Variants in SGPP1 observed in about 807,000 individuals in gnomAD.
SGPP1 encodes hSPP1.
SGPP1 carries 21 observed loss-of-function variants against 33.0 expected under a neutral mutation model. The observed-to-expected ratio is 0.64, with a 90% CI of 0.45 to 0.92. The LOEUF (loss-of-function observed/expected upper bound fraction) is 0.92. Ranked by LOEUF, SGPP1 falls within the 40% of genes least tolerant of loss-of-function variation. The probability of loss-of-function intolerance (pLI) is 0.00; values close to 1 mark genes in which losing one functional copy is unlikely to be tolerated. For missense variants in SGPP1, 543 were observed against 589.4 expected (o/e 0.92, Z 0.81); for synonymous variants, 239 against 241.2 (o/e 0.99, Z 0.08).
intron 1 of SGPP1, among the ~76,000 whole-genome samples, chr14:63,708,768 T>C (rs999567369): frequency 6.6e-6 from 1 of 152,146 alleles, no homozygotes; most frequent in Non-Finnish European, 1.5e-5. Context: ...AGAACAACCA[T>C]ATGGCGTAGC....
At chr14:63,706,722 C>T (rs2139643344) in intron 1 of SGPP1, among the ~76,000 whole-genome samples, 1 of 152,268 alleles carries the variant, frequency 6.6e-6, no homozygotes, top group East Asian at 1.9e-4. Flanking sequence ...GTTCTAAGAG[C>T]AACTGTGAAA....
At chr14:63,701,300 T>G (rs1187707681) in intron 1 of SGPP1, among the ~76,000 whole-genome samples, 1 of 152,130 alleles carries the variant, frequency 6.6e-6, no homozygotes, top group Non-Finnish European at 1.5e-5. Context: ...CAAGATTTTG[T>G]TATGTGTTAA....
chr14:63,718,496 A>G (rs975755463), intron 1 of SGPP1, among the ~76,000 whole-genome samples: 2 of 152,138 alleles, frequency 1.3e-5, no homozygotes, highest in Non-Finnish European at 2.9e-5. Context: ...GGGACATTCT[A>G]TATCATACAT....
intron 1 of SGPP1, among the ~76,000 whole-genome samples, chr14:63,714,122 A>G (rs1885574150): frequency 6.6e-6 from 1 of 152,244 alleles, no homozygotes; most frequent in Non-Finnish European, 1.5e-5. Context: ...TGAGGCTTTC[A>G]GCCTTGGACT....
At chr14:63,688,221 CAGG>C (rs1476036374) in intron 2 of SGPP1, among the ~76,000 whole-genome samples, 9 of 146,104 alleles carry the variant, frequency 6.2e-5, no homozygotes, top group Admixed American at 1.5e-4. Context: ...GAGGCTGAGG[CAGG>C]AGAACTGCCT....
At chr14:63,712,197 T>A (rs181929056) in intron 1 of SGPP1, among the ~76,000 whole-genome samples, 1 of 152,352 alleles carries the variant, frequency 6.6e-6, no homozygotes, top group Admixed American at 6.5e-5. Context: ...TTTCTTTTTT[T>A]AATTTATTTT....
intron 1 of SGPP1, among the ~76,000 whole-genome samples, chr14:63,714,562 A>C (rs944592872): frequency 2.0e-5 from 3 of 152,096 alleles, no homozygotes; most frequent in African/African-American, 7.2e-5. Flanking sequence ...CTGGGACTAC[A>C]AGTACATACC....
chr14:63,688,315 C>CAAAAAAAAAAAAAAA (rs71120275), intron 2 of SGPP1, among the ~76,000 whole-genome samples: 11 of 31,430 alleles, frequency 3.5e-4, no homozygotes, highest in African/African-American at 1.1e-3. Flanking sequence ...GACTCTGTCT[C>CAAAAAAAAAAAAAAA]AAAAAAAAAA....
chr14:63,709,579 T>G (rs1002833174), intron 1 of SGPP1, among the ~76,000 whole-genome samples: 1 of 152,144 alleles, frequency 6.6e-6, no homozygotes, highest in African/African-American at 2.4e-5. Flanking sequence ...CTGGCTTCTG[T>G]TTTCATTTTC....
rs1885764890 is a variant in SGPP1, at chr14:63,721,230, A to C, written c.684+6031T>G. Reference sequence around the variant, plus strand: ...GACAGGCATGGTGGTGGGTGAGCCAAGATCGTGCCACTGCACTCCAGGCTG... The same window carrying C: ...GACAGGCATGGTGGTGGGTGAGCCACGATCGTGCCACTGCACTCCAGGCTG... On this transcript the variant is annotated intron_variant, in intron 1 of 2. Transcript: ENST00000247225. Among the ~76,000 whole-genome samples the C allele has an allele frequency of 2.0e-5, 3 of 152,280 alleles. No individual in the cohort carries two copies. The East Asian group carries it at 5.8e-4, about 29-fold the overall frequency.
In SGPP1 at chr14:63,719,133, T is replaced by G. The variant is rs1885716989; in HGVS notation, c.684+8128A>C. Among the ~76,000 whole-genome samples the G allele has an allele frequency of 1.1e-4, 16 of 145,284 alleles. No homozygotes were observed. In the South Asian group the frequency reaches 3.6e-3, roughly 33 times the overall value. ...ACGTATGCCTCCCAGGTTCAAGCGA[T>G]TCTCCTGCCTCAGCTCCCGAGTAGC... On this transcript the variant is annotated intron_variant, in intron 1 of 2. Transcript: ENST00000247225.
At chr14:63,710,411 T>A (rs1007934958) in intron 1 of SGPP1, among the ~76,000 whole-genome samples, 1 of 152,240 alleles carries the variant, frequency 6.6e-6, no homozygotes. Context: ...TAGAGCTACA[T>A]AGACCTATCA....
rs1368257312 is a variant in SGPP1, at chr14:63,686,631, G to T, written c.800C>A (p.Thr267Asn). Residue 267 changes from threonine to asparagine, a missense_variant, in exon 3 of 3, where the codon ACC becomes AAC. By Grantham distance (65) the Thr-to-Asn change is moderately conservative (BLOSUM62 0). Transcript: ENST00000247225. ...ILDIIAGFLYTILILAVFYPF... is the reference protein window; with the variant it reads ...ILDIIAGFLYNILILAVFYPF... The stretch of plus-strand genomic sequence containing the variant: ...ATAGAAGACAGCTAAGATTAAAATG[G>T]TATATAGGAATCCAGCAATAATATC... 1 of 1,609,932 alleles carries T rather than the reference G, an allele frequency of 6.2e-7. No homozygotes were observed. The highest frequency in any genetic ancestry group is 1.7e-5 in the Admixed American group (1 of 59,908).
intron 1 of SGPP1, among the ~76,000 whole-genome samples, chr14:63,706,230 A>G (rs1885405155): frequency 6.6e-6 from 1 of 152,186 alleles, no homozygotes; most frequent in South Asian, 2.1e-4. Context: ...AAATAGGTAA[A>G]CCTATACAGC....
intron 2 of SGPP1, among the ~76,000 whole-genome samples, chr14:63,694,869 T>C (rs993233924): frequency 6.6e-6 from 1 of 152,138 alleles, no homozygotes; most frequent in Non-Finnish European, 1.5e-5. Context: ...CTAAATGGAA[T>C]ACTCCAGGTT....
rs944185768 is a variant in SGPP1 at position 63,685,525 on chromosome 14, G to A, written c.*580C>T. The A allele has an allele frequency of 1.3e-5, 2 of 152,242 alleles. No homozygotes were observed. Among genetic ancestry groups the A allele is most frequent in the Admixed American group, 1.3e-4 (2 of 15,250 alleles). 9.4% of individuals were successfully genotyped at this position (152,242 alleles called of 1,614,324 possible). A position where few individuals can be genotyped will look rare whatever the true frequency, so the allele number is the denominator to read the frequency against. Reference sequence around the variant, plus strand: ...AAATGCCTCCCATGTTCAACATCATGGATAACATGAAAGGTAATGGCAGTG... The same window carrying A: ...AAATGCCTCCCATGTTCAACATCATAGATAACATGAAAGGTAATGGCAGTG... On this transcript the variant is annotated 3_prime_UTR_variant, in exon 3 of 3. Transcript: ENST00000247225.
intron 2 of SGPP1, among the ~76,000 whole-genome samples, chr14:63,693,978 C>T (rs1271209519): frequency 2.0e-5 from 3 of 151,994 alleles, no homozygotes; most frequent in African/African-American, 7.2e-5. Context: ...TTTTATAGTA[C>T]CTTAAAAAGT....
intron 1 of SGPP1, among the ~76,000 whole-genome samples, chr14:63,724,294 T>C (rs1885831749): frequency 6.6e-6 from 1 of 151,934 alleles, no homozygotes; most frequent in African/African-American, 2.4e-5. Flanking sequence ...CATTAAGTAG[T>C]AGGTAGTAGT....
intron 2 of SGPP1, among the ~76,000 whole-genome samples, chr14:63,690,581 GATGA>G (rs751812307): frequency 3.0e-4 from 45 of 152,308 alleles, no homozygotes; most frequent in African/African-American, 8.9e-4. Flanking sequence ...TTTTTGGATG[GATGA>G]ATGAATGAAT....
Sources: allele counts gnomAD v4.1 joint callset (sites outside exome capture counted in the v4.1 genomes callset), GRCh38; gene constraint gnomAD v4.1.1; transcripts MANE v1.5; gene names NCBI Gene and HGNC (gene_info 2026-07-23, HGNC 2026-07-21).